The following CIP2A variants were observed in gnomAD, a reference collection of about 807,000 sequenced individuals.
CIP2A encodes cellular inhibitor of PP2A.
In CIP2A, 103 loss-of-function variants were observed where a neutral mutation model predicts 110.9. The observed-to-expected ratio is 0.93, with a 90% CI of 0.79 to 1.09. CIP2A has a LOEUF of 1.09. Ranked by LOEUF, CIP2A falls within the 50% of genes least tolerant of loss-of-function variation. CIP2A has a pLI of 0.00. For synonymous variants in CIP2A, 381 were observed against 361.6 expected (o/e 1.05, Z -0.61); for missense variants, 1,088 against 1,038.4 (o/e 1.05, Z -0.66).
In CIP2A at chr3:108,552,302, C is replaced by A. The variant is rs944140338; in HGVS notation, c.2479G>T (p.Glu827Ter). Residue 827 changes from glutamate to a stop codon, truncating the protein, a stop_gained, in exon 20 of 21, where the codon GAA (glutamate) becomes TAA (stop). Coordinates refer to ENST00000295746, the MANE Select transcript of CIP2A (RefSeq NM_020890.3). LOFTEE classifies it high-confidence loss of function. ...TLQKEREDKE[E>*]TIDILRKELS... ...TCTTTTCTAAGGATATCAATGGTTT[C>A]TTCCTTATCTTCCCTTTCCTTTTGT... The A allele has an allele frequency of 7.1e-6, 11 of 1,554,736 alleles. No individual in the cohort carries two copies. Among genetic ancestry groups the A allele is most frequent in the Non-Finnish European group, 9.6e-6 (11 of 1,142,450 alleles).
chr3:108,574,843 A>T (rs570064792), intron 8 of CIP2A: 2 of 153,624 alleles, frequency 1.3e-5, no homozygotes, highest in Non-Finnish European at 2.9e-5. Context: ...CATCCACACA[A>T]ATCTGCAAAA....
At position 108,579,707 on chromosome 3, in the gene CIP2A, A is replaced by T. The variant is rs1419664235; in HGVS notation, c.550-19T>A. 6.8e-7 allele frequency: 1 copy of T among 1,470,126 alleles called. No homozygotes were observed. The allele number at this position is 1,470,126 out of a possible 1,614,324, so 91.1% of individuals were successfully genotyped here. ...CATTACTCTGAGGAAAAAAAAGTTA[A>T]AAAATAAATTAGAATTATAAATTTT... On this transcript the variant is annotated intron_variant, in intron 5 of 20. Coordinates refer to ENST00000295746, the MANE Select transcript of CIP2A (RefSeq NM_020890.3).
At chr3:108,575,874 ACT>A (rs1467953801) in intron 8 of CIP2A, among the ~76,000 whole-genome samples, 2 of 94,270 alleles carry the variant, frequency 2.1e-5, no homozygotes, top group Admixed American at 1.2e-4. Flanking sequence ...ACGTATATAT[ACT>A]CATATACATG....
intron 16 of CIP2A, among the ~76,000 whole-genome samples, chr3:108,558,022 A>G (rs1937870504): frequency 6.6e-6 from 1 of 152,186 alleles, no homozygotes; most frequent in African/African-American, 2.4e-5. Flanking sequence ...GACTTTGTGA[A>G]GAACCTGTAT....
intron 18 of CIP2A, 128 bp downstream of exon 18, chr3:108,554,248 A>T (rs928396191): frequency 9.3e-6 from 5 of 539,188 alleles, no homozygotes; most frequent in African/African-American, 7.9e-5. Flanking sequence ...CACCAAATAC[A>T]TATCTTATAT....
chr3:108,567,874 T>G (rs1938239032), intron 10 of CIP2A, among the ~76,000 whole-genome samples: 1 of 151,870 alleles, frequency 6.6e-6, no homozygotes, highest in Admixed American at 6.6e-5. Flanking sequence ...TACCACCAAA[T>G]GTCAAATTGT....
At chr3:108,589,251 T>A (rs373243699) in intron 1 of CIP2A, 23 bp downstream of exon 1, 3 of 1,576,440 alleles carry the variant, frequency 1.9e-6, no homozygotes, top group Non-Finnish European at 2.6e-6. Context: ...GCCCCATCTG[T>A]CCTCTACCCC....
At chr3:108,560,404 C>T (rs914714274) in intron 14 of CIP2A, among the ~76,000 whole-genome samples, 2 of 152,184 alleles carry the variant, frequency 1.3e-5, no homozygotes, top group African/African-American at 4.8e-5. Context: ...AACTCCTCAG[C>T]TCTGGCAATC....
intron 17 of CIP2A, among the ~76,000 whole-genome samples, chr3:108,556,091 A>C (rs1412651977): frequency 6.6e-6 from 1 of 152,126 alleles, no homozygotes; most frequent in East Asian, 1.9e-4. Context: ...CTAATACTAC[A>C]CTTTATCAGT....
At chr3:108,561,631 T>TGCACC (rs1431298636) in intron 13 of CIP2A, among the ~76,000 whole-genome samples, 7 of 152,100 alleles carry the variant, frequency 4.6e-5, no homozygotes, top group African/African-American at 1.7e-4. Flanking sequence ...ATCACACCAC[T>TGCACC]GCACCCCAGT....
At chr3:108,581,393 T>A (rs760339295) in intron 5 of CIP2A, 22 bp downstream of exon 5, 1 of 1,516,542 alleles carries the variant, frequency 6.6e-7, no homozygotes, top group East Asian at 2.3e-5. Flanking sequence ...CAAGAAACAT[T>A]AAAAAGAAAT....
intron 7 of CIP2A, among the ~76,000 whole-genome samples, chr3:108,578,933 T>G (rs1352695244): frequency 6.6e-6 from 1 of 152,204 alleles, no homozygotes; most frequent in Non-Finnish European, 1.5e-5. Context: ...ATATTTATTT[T>G]TATTGTTCCT....
At chr3:108,568,046 G>A in intron 10 of CIP2A, 109 bp downstream of exon 10, 1 of 766,348 alleles carries the variant, frequency 1.3e-6, no homozygotes, top group Non-Finnish European at 2.0e-6. Flanking sequence ...AGATAAATAT[G>A]AGCATAAAGT....
intron 5 of CIP2A, 129 bp from the exon 6 acceptor site, chr3:108,579,817 C>A (rs918991148): frequency 4.5e-6 from 2 of 445,936 alleles, no homozygotes; most frequent in Non-Finnish European, 7.7e-6. Flanking sequence ...ATGATTGTTG[C>A]ATTTAAAAGA....
chr3:108,552,186 A>C, intron 20 of CIP2A, 48 bp downstream of exon 20: 1 of 1,481,772 alleles, frequency 6.7e-7, no homozygotes, highest in East Asian at 2.4e-5. Context: ...CCTTTTCACA[A>C]CAGACTTTTT....
chr3:108,579,054 A>C (rs1938774440), intron 7 of CIP2A, among the ~76,000 whole-genome samples: 1 of 152,158 alleles, frequency 6.6e-6, no homozygotes, highest in Non-Finnish European at 1.5e-5. Flanking sequence ...AACCCTATTG[A>C]TCTAAAGCAA....
chr3:108,560,595 G>C, intron 14 of CIP2A, 54 bp downstream of exon 14: 3 of 1,037,056 alleles, frequency 2.9e-6, no homozygotes, highest in Non-Finnish European at 2.8e-6. Flanking sequence ...GTTATAATTG[G>C]GACTGACATA....
rs760254281 is a variant in CIP2A at position 108,559,929 on chromosome 3, A to G, written c.1902+25T>C. ...ATACATCTATTAAAGCTTATTACAC[A>G]TTGTTAAAATAAGCTTATACTCACA... On this transcript the variant is annotated intron_variant, in intron 15 of 20. Transcript: ENST00000295746. 7 of 1,565,234 alleles carry G rather than the reference A, an allele frequency of 4.5e-6. No individual in the cohort carries two copies. The Admixed American group carries it at 6.7e-5, about 15-fold the overall frequency.
intron 9 of CIP2A, among the ~76,000 whole-genome samples, chr3:108,568,743 A>C (rs1310910153): frequency 6.6e-6 from 1 of 152,058 alleles, no homozygotes; most frequent in African/African-American, 2.4e-5. Flanking sequence ...TTAAATAATC[A>C]AGACCAAGAT....
Sources: allele counts gnomAD v4.1 joint callset (sites outside exome capture counted in the v4.1 genomes callset), GRCh38; gene constraint gnomAD v4.1.1; transcripts MANE v1.5; gene names NCBI Gene and HGNC (gene_info 2026-07-23, HGNC 2026-07-21).